The following TMEM209 variants were observed in gnomAD, a reference collection of about 807,000 sequenced individuals.
TMEM209 encodes the protein transmembrane protein 209.
A neutral mutation model predicts 76.2 loss-of-function variants in TMEM209; 65 were observed. The ratio of observed to expected loss-of-function variants is 0.85; its 90% CI spans 0.70 to 1.05. TMEM209 has a LOEUF of 1.05. Among genes scored for constraint, TMEM209 ranks in the 50% least tolerant of loss-of-function variants. The pLI, the probability that TMEM209 is intolerant of heterozygous loss-of-function variation, is 0.00. For missense variants in TMEM209, 623 were observed against 685.5 expected, an observed-to-expected ratio of 0.91 and a Z score of 1.02; for synonymous variants, 239 against 237.6, an observed-to-expected ratio of 1.01 and a Z score of -0.06.
intron 5 of TMEM209, among the ~76,000 whole-genome samples, chr7:130,200,635 A>G (rs534566339): frequency 2.3e-3 from 357 of 152,156 alleles, no homozygotes; most frequent in Non-Finnish European, 3.9e-3. Context: ...TACTTTTCCA[A>G]TTTTCTATAA....
intron 7 of TMEM209, 84 bp from the exon 8 acceptor site, chr7:130,184,339 T>C (rs1797522093): frequency 9.5e-7 from 1 of 1,056,368 alleles, no homozygotes. Context: ...TCCTAAAAAA[T>C]ATTTAATGAA....
chr7:130,203,653 G>T, intron 3 of TMEM209, 135 bp downstream of exon 3: 1 of 694,988 alleles, frequency 1.4e-6, no homozygotes, highest in Non-Finnish European at 2.4e-6. Context: ...CTCCCTTTCT[G>T]CTGTATTCCC....
intron 9 of TMEM209, among the ~76,000 whole-genome samples, chr7:130,180,278 G>A (rs1000862420): frequency 1.3e-5 from 2 of 151,922 alleles, no homozygotes; most frequent in Admixed American, 6.6e-5. Flanking sequence ...TAAGAGTCTT[G>A]GGCTTATATC....
intron 8 of TMEM209, among the ~76,000 whole-genome samples, chr7:130,183,813 CTT>C (rs541038100): frequency 6.8e-4 from 104 of 152,290 alleles, no homozygotes; most frequent in African/African-American, 2.0e-3. Flanking sequence ...CTCTCTAACT[CTT>C]TAAGTTTTCT....
intron 5 of TMEM209, among the ~76,000 whole-genome samples, chr7:130,193,028 T>C (rs1331013421): frequency 6.6e-6 from 1 of 152,220 alleles, no homozygotes; most frequent in African/African-American, 2.4e-5. Flanking sequence ...TGAAACAGTC[T>C]GGCTGTTTCT....
intron 6 of TMEM209, among the ~76,000 whole-genome samples, chr7:130,190,739 A>C (rs1797765883): frequency 6.6e-6 from 1 of 152,028 alleles, no homozygotes; most frequent in Non-Finnish European, 1.5e-5. Flanking sequence ...GCTTACGCCT[A>C]TAATCCCAGC....
At position 130,185,222 on chromosome 7, in the gene TMEM209, G is replaced by A. The variant is rs761221156; in HGVS notation, c.921C>T (p.Ala307=). The A allele has an allele frequency of 1.3e-5, 21 of 1,613,258 alleles. No homozygotes were observed. Among genetic ancestry groups the A allele is most frequent in the South Asian group, 6.6e-5 (6 of 90,998 alleles). ...SQAPCANKDE[A]DLSSKQAAEE... ...CTGCGGCTTGTTTAGAGCTGAGATC[G>A]GCTTCATCTTTGTTAGCACATGGGG... Residue 307 remains alanine (A), a synonymous_variant, in exon 7 of 15, where the codon GCC becomes GCT. Transcript: ENST00000397622.
chr7:130,188,655 G>C (rs1266759582), intron 6 of TMEM209, among the ~76,000 whole-genome samples: 6 of 148,146 alleles, frequency 4.1e-5, no homozygotes, highest in Non-Finnish European at 7.4e-5. Flanking sequence ...ACTTTATCAA[G>C]GACAAGGATC....
intron 5 of TMEM209, among the ~76,000 whole-genome samples, chr7:130,200,885 C>T (rs535168250): frequency 1.3e-5 from 2 of 151,876 alleles, no homozygotes; most frequent in East Asian, 1.9e-4. Context: ...GTCAGGAGAT[C>T]GAGACCATCC....
chr7:130,198,440 G>A (rs57752445), intron 5 of TMEM209, among the ~76,000 whole-genome samples: 12,685 of 151,918 alleles, frequency 0.083, 598 homozygotes, highest in Middle Eastern at 0.14. Context: ...GTGAAACCCC[G>A]TCTCTACTAA....
At chr7:130,170,341 TTAACA>T in intron 14 of TMEM209, 54 bp downstream of exon 14, 2 of 1,432,830 alleles carry the variant, frequency 1.4e-6, no homozygotes, top group Non-Finnish European at 1.9e-6. Flanking sequence ...CTGCAGAATC[TTAACA>T]TAGGAAGAAA....
chr7:130,166,743 T>A (rs1294883370), intron 14 of TMEM209, among the ~76,000 whole-genome samples: 1 of 152,152 alleles, frequency 6.6e-6, no homozygotes, highest in Non-Finnish European at 1.5e-5. Context: ...AGTTTTTCAG[T>A]AAACAAGAAC....
intron 6 of TMEM209, among the ~76,000 whole-genome samples, chr7:130,191,578 T>C (rs1156673496): frequency 6.6e-6 from 1 of 151,748 alleles, no homozygotes; most frequent in East Asian, 1.9e-4. Context: ...AAACACAAAA[T>C]TGATAGGTAC....
intron 5 of TMEM209, among the ~76,000 whole-genome samples, chr7:130,200,399 G>A (rs546389990): frequency 6.6e-6 from 1 of 152,116 alleles, no homozygotes; most frequent in South Asian, 2.1e-4. Flanking sequence ...CTACATTTCT[G>A]TGACAATGTA....
At chr7:130,173,554 A>G (rs1797141667) in intron 13 of TMEM209, 78 bp downstream of exon 13, 1 of 1,082,782 alleles carries the variant, frequency 9.2e-7, no homozygotes, top group East Asian at 2.4e-5. Context: ...TATTAACATG[A>G]GATTATAATT....
chr7:130,194,837 A>G (rs1394552107), intron 5 of TMEM209, among the ~76,000 whole-genome samples: 1 of 152,096 alleles, frequency 6.6e-6, no homozygotes, highest in African/African-American at 2.4e-5. Flanking sequence ...ATATTTTTCT[A>G]TTGGGGTCTT....
intron 6 of TMEM209, 80 bp downstream of exon 6, chr7:130,192,542 G>A (rs1295384444): frequency 8.5e-7 from 1 of 1,176,964 alleles, no homozygotes; most frequent in East Asian, 2.5e-5. Context: ...TGTTAGTATG[G>A]ATATTAAAAT....
At chr7:130,169,242 AT>A (rs1219491279) in intron 14 of TMEM209, among the ~76,000 whole-genome samples, 1 of 151,722 alleles carries the variant, frequency 6.6e-6, no homozygotes, top group Non-Finnish European at 1.5e-5. Context: ...TTGTTTACAC[AT>A]TTTTGTTCAT....
intron 13 of TMEM209, among the ~76,000 whole-genome samples, chr7:130,170,989 C>T (rs897466395): frequency 6.6e-6 from 1 of 151,714 alleles, no homozygotes; most frequent in Non-Finnish European, 1.5e-5. Flanking sequence ...CCGCCATGCC[C>T]GGCTAATTTT....
Sources: gnomAD v4.1 joint callset for allele counts (sites outside exome capture counted in the v4.1 genomes callset) on GRCh38, gnomAD v4.1.1 for gene constraint, MANE v1.5 for transcripts, NCBI Gene and HGNC (gene_info 2026-07-23, HGNC 2026-07-21) for gene names.